Variants in PTPRD observed in about 807,000 individuals in gnomAD.
PTPRD encodes receptor-type tyrosine-protein phosphatase delta.
PTPRD carries 34 observed loss-of-function variants against 214.5 expected under a neutral mutation model. That is an observed-to-expected ratio of 0.16 (90% CI 0.12 to 0.21). The LOEUF is 0.21. Among genes scored for constraint, PTPRD ranks in the 10% least tolerant of loss-of-function variants. The probability of loss-of-function intolerance (pLI) is 1.00; values close to 1 mark genes in which losing one functional copy is unlikely to be tolerated. For synonymous variants in PTPRD, 1,128 were observed against 845.7 expected (o/e 1.33, Z -5.79); for missense variants, 2,545 against 2,398.7 (o/e 1.06, Z -1.27).
At chr9:9,900,641 G>GTGTTTTTTTGTTTTTT (rs1555302232) in intron 5 of PTPRD, among the ~76,000 whole-genome samples, 1 of 120,086 alleles carries the variant, frequency 8.3e-6, no homozygotes, top group African/African-American at 3.1e-5. Context: ...ACATTTTCAG[G>GTGTTTTTTTGTTTTTT]TTTTTTTTTT....
chr9:10,571,977 C>T (rs1358922), intron 2 of PTPRD, among the ~76,000 whole-genome samples: 24,339 of 152,084 alleles, frequency 0.16, 2,485 homozygotes, highest in East Asian at 0.49. Flanking sequence ...GTCTGCTGCC[C>T]AGGGGTTGGG....
At chr9:9,273,668 A>G (rs1054471838) in intron 9 of PTPRD, among the ~76,000 whole-genome samples, 3 of 151,276 alleles carry the variant, frequency 2.0e-5, no homozygotes, top group Non-Finnish European at 4.4e-5. Context: ...TATTCCATAG[A>G]AATAAAAAGT....
intron 11 of PTPRD, among the ~76,000 whole-genome samples, chr9:8,910,474 C>T (rs1023257918): frequency 2.0e-5 from 3 of 152,068 alleles, no homozygotes; most frequent in Admixed American, 2.0e-4. Flanking sequence ...TATGAGTTAT[C>T]ACCATGTGGA....
chr9:10,452,462 T>A (rs1402451746), intron 2 of PTPRD, among the ~76,000 whole-genome samples: 1 of 151,782 alleles, frequency 6.6e-6, no homozygotes, highest in Non-Finnish European at 1.5e-5. Context: ...AGTTCCCATT[T>A]CTCCACACTC....
In PTPRD at chr9:8,331,574, A is replaced by AAACTT. The variant is rs1841178067; in HGVS notation, c.5534+3_5534+7dup. The AAACTT allele has an allele frequency of 6.2e-7, 1 of 1,611,994 alleles. No individual in the cohort carries two copies. Among genetic ancestry groups the AAACTT allele is most frequent in the Non-Finnish European group, 8.5e-7 (1 of 1,178,832 alleles). ...TTATCACTGCTTTATTCACAAATGGAAACTTACCTGCAATGGACTGAAATG... is the reference window on the plus strand; with the variant it reads ...TTATCACTGCTTTATTCACAAATGGAAACTTAACTTACCTGCAATGGACTGAAATG... On this transcript the variant is annotated splice_region_variant and intron_variant, in intron 44 of 45. Transcript: ENST00000381196.
intron 2 of PTPRD, among the ~76,000 whole-genome samples, chr9:10,363,677 C>T (rs898596274): frequency 2.6e-5 from 4 of 152,124 alleles, no homozygotes; most frequent in Non-Finnish European, 4.4e-5. Flanking sequence ...AAATCATCCA[C>T]GTCAACATTT....
At chr9:8,725,608 A>G (rs1469297673) in intron 12 of PTPRD, among the ~76,000 whole-genome samples, 1 of 152,214 alleles carries the variant, frequency 6.6e-6, no homozygotes, top group Non-Finnish European at 1.5e-5. Context: ...CAAACTAATG[A>G]GAAAAAAAGG....
At chr9:8,534,156 C>T (rs562412421) in intron 14 of PTPRD, among the ~76,000 whole-genome samples, 3 of 152,102 alleles carry the variant, frequency 2.0e-5, no homozygotes, top group African/African-American at 7.2e-5. Flanking sequence ...GTGAGAAGCA[C>T]ACAATTTAGT....
intron 21 of PTPRD, among the ~76,000 whole-genome samples, chr9:8,515,196 G>A (rs1262389572): frequency 1.3e-5 from 2 of 152,076 alleles, no homozygotes; most frequent in East Asian, 1.9e-4. Flanking sequence ...TACGACCTAC[G>A]GCAAGTTTCT....
intron 5 of PTPRD, among the ~76,000 whole-genome samples, chr9:9,898,100 T>A (rs907359929): frequency 2.8e-4 from 43 of 152,160 alleles, no homozygotes; most frequent in African/African-American, 9.2e-4. Flanking sequence ...AACTAAGGAA[T>A]GCCTGTTTTC....
intron 5 of PTPRD, among the ~76,000 whole-genome samples, chr9:9,931,534 T>A (rs7047683): frequency 6.6e-6 from 1 of 151,942 alleles, no homozygotes; most frequent in Non-Finnish European, 1.5e-5. Flanking sequence ...TAAAAAACAG[T>A]GCACCAGGAG....
chr9:9,864,073 A>T (rs12005937), intron 5 of PTPRD, among the ~76,000 whole-genome samples: 2 of 152,020 alleles, frequency 1.3e-5, no homozygotes. Context: ...AGGAGGCCGA[A>T]GTGGGTGGAA....
intron 8 of PTPRD, among the ~76,000 whole-genome samples, chr9:9,529,224 G>A (rs894989378): frequency 1.3e-5 from 2 of 149,372 alleles, no homozygotes; most frequent in Non-Finnish European, 3.0e-5. Flanking sequence ...GAGCCACCAC[G>A]CCCACCGAAT....
chr9:10,568,275 G>A (rs1259169462), intron 2 of PTPRD, among the ~76,000 whole-genome samples: 4 of 152,096 alleles, frequency 2.6e-5, no homozygotes, highest in Non-Finnish European at 5.9e-5. Context: ...CTTCATCCAT[G>A]TCCCTGCAAA....
intron 5 of PTPRD, among the ~76,000 whole-genome samples, chr9:9,780,043 A>C (rs770204969): frequency 6.6e-6 from 1 of 152,210 alleles, no homozygotes; most frequent in Non-Finnish European, 1.5e-5. Context: ...TTCTTTTTTT[A>C]AAGAGATACA....
chr9:9,649,928 T>C (rs533413980), intron 7 of PTPRD, among the ~76,000 whole-genome samples: 1 of 152,208 alleles, frequency 6.6e-6, no homozygotes, highest in Non-Finnish European at 1.5e-5. Context: ...AGAAATGTGA[T>C]AGTATACTGT....
At chr9:10,187,872 GA>G (rs2099345211) in intron 3 of PTPRD, among the ~76,000 whole-genome samples, 1 of 152,164 alleles carries the variant, frequency 6.6e-6, no homozygotes, top group East Asian at 1.9e-4. Flanking sequence ...AATCTGGCTA[GA>G]ATTATCTTTC....
At chr9:9,224,611 A>G (rs2099958235) in intron 9 of PTPRD, among the ~76,000 whole-genome samples, 1 of 151,992 alleles carries the variant, frequency 6.6e-6, no homozygotes. Context: ...AAACGTATTA[A>G]TTATGGTTAT....
intron 11 of PTPRD, among the ~76,000 whole-genome samples, chr9:8,876,469 TA>T (rs2098391775): frequency 6.6e-6 from 1 of 152,226 alleles, no homozygotes; most frequent in Admixed American, 6.5e-5. Flanking sequence ...CACATGCCTA[TA>T]AACCTCCTTT....
Sources: allele counts gnomAD v4.1 joint callset (sites outside exome capture counted in the v4.1 genomes callset), GRCh38; gene constraint gnomAD v4.1.1; transcripts MANE v1.5; gene names NCBI Gene and HGNC (gene_info 2026-07-23, HGNC 2026-07-21).